BTBD10: variants seen among roughly 807,000 people sequenced by gnomAD.
BTBD10 encodes BTB/POZ domain-containing protein 10.
In BTBD10, 21 loss-of-function variants were observed where a neutral mutation model predicts 53.2. The observed-to-expected ratio is 0.39, with a 90% CI of 0.28 to 0.57. The LOEUF is 0.57. BTBD10 is among the 20% of genes least tolerant of loss of function. BTBD10 has a pLI of 0.53. For missense variants in BTBD10, 360 were observed against 594.7 expected (o/e 0.61, Z 4.10); for synonymous variants, 149 against 192.7 (o/e 0.77, Z 1.88).
At chr11:13,418,184 CA>C (rs58520382) in intron 4 of BTBD10, among the ~76,000 whole-genome samples, 4 of 150,242 alleles carry the variant, frequency 2.7e-5, no homozygotes, top group East Asian at 1.9e-4. Context: ...TCAAAGTTTC[CA>C]AAAAAAAATG....
chr11:13,454,379 T>G (rs150921662), intron 1 of BTBD10, among the ~76,000 whole-genome samples: 138 of 152,332 alleles, frequency 9.1e-4, no homozygotes, highest in Middle Eastern at 3.4e-3. Flanking sequence ...AAACAAGCCC[T>G]AAGTTTCCCC....
intron 7 of BTBD10, chr11:13,404,549 A>G (rs770493208): frequency 3.9e-5 from 36 of 926,320 alleles, no homozygotes; most frequent in Non-Finnish European, 4.5e-5. Flanking sequence ...ACAGAAAATA[A>G]TTTAGTATAC....
chr11:13,442,189 T>G (rs1950667246), intron 2 of BTBD10, among the ~76,000 whole-genome samples: 1 of 152,164 alleles, frequency 6.6e-6, no homozygotes, highest in Non-Finnish European at 1.5e-5. Context: ...TAGTCTTGTT[T>G]TCTTTTACTC....
intron 1 of BTBD10, among the ~76,000 whole-genome samples, chr11:13,454,535 T>C (rs1950925706): frequency 6.6e-6 from 1 of 152,076 alleles, no homozygotes. Context: ...CCAATTGAAT[T>C]GTAAGTATCT....
chr11:13,395,533 CTTTAG>C (rs1161969400), intron 8 of BTBD10, among the ~76,000 whole-genome samples: 2 of 152,280 alleles, frequency 1.3e-5, no homozygotes, highest in African/African-American at 2.4e-5. Context: ...TGCAGAAGCT[CTTTAG>C]TTTAATTGAT....
chr11:13,429,650 A>C (rs1256446073), intron 2 of BTBD10, among the ~76,000 whole-genome samples: 1 of 152,050 alleles, frequency 6.6e-6, no homozygotes, highest in African/African-American at 2.4e-5. Flanking sequence ...AATAGTTCCC[A>C]TCATATGCAA....
At chr11:13,390,662 T>C (rs1364028433) in intron 8 of BTBD10, among the ~76,000 whole-genome samples, 1 of 152,172 alleles carries the variant, frequency 6.6e-6, no homozygotes, top group Non-Finnish European at 1.5e-5. Context: ...AATAAAACTT[T>C]ATAAAAAAGA....
chr11:13,436,257 A>AC lies in BTBD10; in HGVS notation c.101+8766dup, dbSNP rs1386985606. ...ATTAAGGCTTAAACCTTTTTACCTAACCCAAGTTCAGGGTTTTGGGCCAGG... is the reference window on the plus strand; with the variant it reads ...ATTAAGGCTTAAACCTTTTTACCTAACCCCAAGTTCAGGGTTTTGGGCCAGG... On this transcript the variant is annotated intron_variant, in intron 2 of 8. Coordinates refer to ENST00000278174, the MANE Select transcript of BTBD10 (RefSeq NM_032320.7). Among the ~76,000 whole-genome samples, 4 of 152,116 alleles carry AC rather than the reference A, an allele frequency of 2.6e-5. No homozygotes were observed. In the East Asian group the frequency reaches 7.7e-4, roughly 29 times the overall value.
chr11:13,458,291 T>C (rs1951015834), intron 1 of BTBD10, among the ~76,000 whole-genome samples: 1 of 147,340 alleles, frequency 6.8e-6, no homozygotes, highest in South Asian at 2.1e-4. Flanking sequence ...GACAGCTGTA[T>C]ATATGTATAT....
chr11:13,409,365 AAT>A (rs1310097515), intron 6 of BTBD10, among the ~76,000 whole-genome samples: 1 of 152,192 alleles, frequency 6.6e-6, no homozygotes, highest in African/African-American at 2.4e-5. Flanking sequence ...CGTTTTTCCC[AAT>A]AGAGTGTACA....
chr11:13,395,287 T>C (rs969549562), intron 8 of BTBD10, among the ~76,000 whole-genome samples: 3 of 152,176 alleles, frequency 2.0e-5, no homozygotes, highest in Non-Finnish European at 4.4e-5. Flanking sequence ...ATTTCTCTGA[T>C]GGCCAGTGAT....
chr11:13,435,787 G>A (rs1267308248), intron 2 of BTBD10, among the ~76,000 whole-genome samples: 3 of 152,078 alleles, frequency 2.0e-5, no homozygotes, highest in Non-Finnish European at 4.4e-5. Context: ...CACCACGCCC[G>A]GCCACAAAAC....
rs139827531 is a variant in BTBD10 at position 13,417,249 on chromosome 11, G to A, written c.596C>T (p.Ser199Phe). The A allele has an allele frequency of 1.2e-6, 2 of 1,610,496 alleles. No homozygotes were observed. Among genetic ancestry groups the A allele is most frequent in the Non-Finnish European group, 1.7e-6 (2 of 1,177,508 alleles). The part of the protein sequence containing the change: ...PNTMLGRMFG[S>F]GREHNFTRPN... Reference sequence around the variant, plus strand: ...TCGTGTAAAGTTATGTTCTCGGCCAGATCCAAACATCCTATGATAGTAAAT... The same window carrying A: ...TCGTGTAAAGTTATGTTCTCGGCCAAATCCAAACATCCTATGATAGTAAAT... Residue 199 changes from serine (S) to phenylalanine (F), a missense_variant, in exon 5 of 9, where the codon TCT (serine) becomes TTT (phenylalanine). Around this residue, in one of 6 missense-constraint regions of BTBD10, gnomAD observed 91 missense variants for 171.7 expected, o/e 0.53. Coordinates refer to ENST00000278174, the MANE Select transcript of BTBD10 (RefSeq NM_032320.7).
At chr11:13,428,916 AG>A (rs1950396513) in intron 2 of BTBD10, among the ~76,000 whole-genome samples, 1 of 152,202 alleles carries the variant, frequency 6.6e-6, no homozygotes, top group Non-Finnish European at 1.5e-5. Flanking sequence ...GAGTTCAGCA[AG>A]GTTGCAGAAT....
intron 1 of BTBD10, among the ~76,000 whole-genome samples, chr11:13,456,853 C>T (rs1002379517): frequency 1.3e-5 from 2 of 152,154 alleles, no homozygotes; most frequent in African/African-American, 2.4e-5. Context: ...TACTGGCATA[C>T]ACTGCCAATG....
intron 8 of BTBD10, among the ~76,000 whole-genome samples, chr11:13,389,472 A>T (rs890893745): frequency 6.7e-6 from 1 of 149,878 alleles, no homozygotes; most frequent in Non-Finnish European, 1.5e-5. Context: ...TTTGTCACCC[A>T]GGCTGGAGTG....
intron 6 of BTBD10, among the ~76,000 whole-genome samples, chr11:13,406,682 G>A (rs1949840273): frequency 6.6e-6 from 1 of 151,756 alleles, no homozygotes; most frequent in Non-Finnish European, 1.5e-5. Context: ...TGGAGAAGGG[G>A]TGAAGGAAGA....
chr11:13,399,649 T>A (rs1949659248), intron 8 of BTBD10, among the ~76,000 whole-genome samples: 2 of 152,186 alleles, frequency 1.3e-5, no homozygotes, highest in South Asian at 4.1e-4. Flanking sequence ...CCGGTTTTGC[T>A]GCTCTGTTTT....
chr11:13,402,621 G>GA (rs1270783018), intron 8 of BTBD10, among the ~76,000 whole-genome samples: 5 of 152,122 alleles, frequency 3.3e-5, no homozygotes, highest in South Asian at 2.1e-4. Context: ...AAACATTACA[G>GA]AAAAATTATT....
Sources: allele counts gnomAD v4.1 joint callset (sites outside exome capture counted in the v4.1 genomes callset), GRCh38; gene constraint gnomAD v4.1.1; regional missense constraint gnomAD v4.1.1; transcripts MANE v1.5; gene names NCBI Gene and HGNC (gene_info 2026-07-23, HGNC 2026-07-21).